Variants in HCN1 observed in about 807,000 individuals in gnomAD.
The protein encoded by HCN1 is hyperpolarization activated cyclic nucleotide gated potassium channel 1, also known as potassium/sodium hyperpolarization-activated cyclic nucleotide-gated channel 1.
A neutral mutation model predicts 78.9 loss-of-function variants in HCN1; 13 were observed. That is an observed-to-expected ratio of 0.16 (90% CI 0.11 to 0.26). HCN1 has a LOEUF of 0.26. HCN1 is among the 10% of genes least tolerant of loss of function. HCN1 has a pLI of 1.00. For missense variants in HCN1, 810 were observed against 1,154.3 expected, an observed-to-expected ratio of 0.70 and a Z score of 4.32; for synonymous variants, 552 against 455.5, an observed-to-expected ratio of 1.21 and a Z score of -2.70.
intron 5 of HCN1, among the ~76,000 whole-genome samples, chr5:45,333,529 C>T (rs1406556358): frequency 6.6e-6 from 1 of 151,632 alleles, no homozygotes; most frequent in African/African-American, 2.4e-5. Flanking sequence ...GTTACCTGTG[C>T]TTGTAGGGTA....
intron 5 of HCN1, among the ~76,000 whole-genome samples, chr5:45,314,010 C>A: frequency 6.6e-6 from 1 of 152,082 alleles, no homozygotes; most frequent in East Asian, 1.9e-4. Context: ...TCAGGAAATA[C>A]AGAGAATGCC....
chr5:45,635,156 T>A (rs1183053146), intron 2 of HCN1, among the ~76,000 whole-genome samples: 7 of 152,122 alleles, frequency 4.6e-5, no homozygotes, highest in African/African-American at 1.7e-4. Context: ...ACAAGCTAAT[T>A]ATATCTTATA....
intron 2 of HCN1, among the ~76,000 whole-genome samples, chr5:45,522,656 T>A (rs1461858487): frequency 1.3e-5 from 2 of 151,742 alleles, no homozygotes; most frequent in Non-Finnish European, 2.9e-5. Flanking sequence ...GCTTTTATTT[T>A]GCACTAATAA....
At position 45,696,140 on chromosome 5, in the gene HCN1, C is replaced by T. The variant is rs1276718870; in HGVS notation, c.-47G>A. The T allele has an allele frequency of 5.7e-6, 7 of 1,229,154 alleles. No individual in the cohort carries two copies. In the East Asian group the frequency reaches 1.3e-4, roughly 24 times the overall value. 76.1% of individuals were successfully genotyped at this position (1,229,154 alleles called of 1,614,324 possible). A position where few individuals can be genotyped will look rare whatever the true frequency, so the allele number is the denominator to read the frequency against. On this transcript the variant is annotated 5_prime_UTR_variant, in exon 1 of 8. Transcript: ENST00000303230. ...ACGGCGCGGGCTCCAGACTCGCCGG[C>T]CGCCCGGCGCCGGAGACACGTAGCC...
intron 6 of HCN1, among the ~76,000 whole-genome samples, chr5:45,278,846 C>T (rs1313119152): frequency 6.6e-6 from 1 of 151,902 alleles, no homozygotes; most frequent in Non-Finnish European, 1.5e-5. Flanking sequence ...GTCCTATAAC[C>T]AAATCCAACC....
chr5:45,387,097 A>G (rs1483589780), intron 4 of HCN1, among the ~76,000 whole-genome samples: 1 of 151,908 alleles, frequency 6.6e-6, no homozygotes, highest in Non-Finnish European at 1.5e-5. Context: ...AAATACTGGT[A>G]TAGTCAGAAA....
chr5:45,693,255 CA>C (rs970841858), intron 1 of HCN1, among the ~76,000 whole-genome samples: 1 of 151,800 alleles, frequency 6.6e-6, no homozygotes, highest in Non-Finnish European at 1.5e-5. Context: ...TGAGATCATA[CA>C]AAAAAATGAA....
chr5:45,585,159 G>T (rs1004037032), intron 2 of HCN1, among the ~76,000 whole-genome samples: 7 of 152,122 alleles, frequency 4.6e-5, no homozygotes, highest in Non-Finnish European at 1.0e-4. Flanking sequence ...TCACTTTCAG[G>T]TACACCAATC....
intron 2 of HCN1, among the ~76,000 whole-genome samples, chr5:45,562,533 C>T (rs941890071): frequency 1.2e-5 from 1 of 80,692 alleles, no homozygotes; most frequent in Admixed American, 1.2e-4. Flanking sequence ...AACAAAAAAC[C>T]CTTAGGTAAA....
chr5:45,340,976 A>C (rs965957785), intron 5 of HCN1, among the ~76,000 whole-genome samples: 1 of 152,172 alleles, frequency 6.6e-6, no homozygotes, highest in African/African-American at 2.4e-5. Context: ...TTTTAGTAAA[A>C]AATCCTTTTT....
At chr5:45,451,530 G>T (rs1316262814) in intron 3 of HCN1, among the ~76,000 whole-genome samples, 1 of 151,900 alleles carries the variant, frequency 6.6e-6, no homozygotes, top group East Asian at 1.9e-4. Flanking sequence ...AAAAGTTGTA[G>T]ACTAAATGTA....
intron 3 of HCN1, among the ~76,000 whole-genome samples, chr5:45,449,802 G>A (rs536202891): frequency 6.6e-6 from 1 of 152,102 alleles, no homozygotes; most frequent in South Asian, 2.1e-4. Context: ...CCATACCTAT[G>A]CATAAGAATA....
chr5:45,513,303 C>A (rs1742452246), intron 2 of HCN1, among the ~76,000 whole-genome samples: 1 of 151,926 alleles, frequency 6.6e-6, no homozygotes. Flanking sequence ...CTGAAGAAGC[C>A]TAGAATGAGA....
At chr5:45,676,307 T>C (rs901802462) in intron 1 of HCN1, among the ~76,000 whole-genome samples, 1 of 151,780 alleles carries the variant, frequency 6.6e-6, no homozygotes, top group African/African-American at 2.4e-5. Context: ...TAGACATAAC[T>C]TGCACTAGAC....
chr5:45,510,793 A>G (rs748966456), intron 2 of HCN1, among the ~76,000 whole-genome samples: 1 of 152,048 alleles, frequency 6.6e-6, no homozygotes, highest in Non-Finnish European at 1.5e-5. Flanking sequence ...CCATTTAAGA[A>G]CAAAAAAAGT....
At chr5:45,620,421 T>C (rs899266114) in intron 2 of HCN1, among the ~76,000 whole-genome samples, 11 of 152,134 alleles carry the variant, frequency 7.2e-5, no homozygotes, top group African/African-American at 2.4e-4. Flanking sequence ...GTGAAAGTTA[T>C]GTAAGTACCC....
chr5:45,676,242 A>G (rs981638271), intron 1 of HCN1, among the ~76,000 whole-genome samples: 7 of 151,712 alleles, frequency 4.6e-5, no homozygotes, highest in Non-Finnish European at 1.0e-4. Flanking sequence ...TGCCTATGAC[A>G]TCTTCAGGAA....
chr5:45,276,069 A>G (rs1745050713), intron 6 of HCN1, among the ~76,000 whole-genome samples: 1 of 151,996 alleles, frequency 6.6e-6, no homozygotes, highest in Non-Finnish European at 1.5e-5. Flanking sequence ...GTGGCTTAAT[A>G]TGCTTCTAAA....
At chr5:45,515,118 T>C (rs1742492310) in intron 2 of HCN1, among the ~76,000 whole-genome samples, 1 of 151,898 alleles carries the variant, frequency 6.6e-6, no homozygotes, top group Non-Finnish European at 1.5e-5. Context: ...AGTTTTCATT[T>C]TAACATATCG....
Sources: allele counts gnomAD v4.1 joint callset (sites outside exome capture counted in the v4.1 genomes callset), GRCh38; gene constraint gnomAD v4.1.1; transcripts MANE v1.5; gene names NCBI Gene and HGNC (gene_info 2026-07-23, HGNC 2026-07-21).